PEX1: variants seen among roughly 807,000 people sequenced by gnomAD.
PEX1 encodes the protein peroxisomal biogenesis factor 1.
A neutral mutation model predicts 152.5 loss-of-function variants in PEX1; 97 were observed. The observed-to-expected ratio is 0.64, with a 90% CI of 0.54 to 0.75. The LOEUF is 0.75. Ranked by LOEUF, PEX1 falls within the 30% of genes least tolerant of loss-of-function variation. The pLI is 0.00. For missense variants in PEX1, 1,357 were observed against 1,516.3 expected (o/e 0.89, Z 1.74); for synonymous variants, 485 against 531.6 (o/e 0.91, Z 1.21).
chr7:92,501,491 C>A lies in PEX1; in HGVS notation c.2583+16G>T. Reference sequence around the variant, plus strand: ...TTCTGGGAGTAAGTATTCACTTTTTCTTTTTTTAAACATACCTTGGCAGGT... The same window carrying A: ...TTCTGGGAGTAAGTATTCACTTTTTATTTTTTTAAACATACCTTGGCAGGT... On this transcript the variant is annotated intron_variant, in intron 15 of 23. Transcript: ENST00000248633. 6.2e-7 allele frequency: 1 copy of A among 1,607,620 alleles called. No individual in the cohort carries two copies. Among genetic ancestry groups the A allele is most frequent in the African/African-American group, 1.3e-5 (1 of 74,846 alleles).
intron 16 of PEX1, among the ~76,000 whole-genome samples, chr7:92,498,055 ACT>A (rs779958087): frequency 5.1e-5 from 7 of 138,210 alleles, no homozygotes; most frequent in Admixed American, 3.7e-4. Flanking sequence ...ACACAACAAG[ACT>A]CAGTCTCAGA....
At chr7:92,505,854 C>G (rs78489902) in intron 11 of PEX1, among the ~76,000 whole-genome samples, 3,901 of 152,204 alleles carry the variant, frequency 0.026, 206 homozygotes, top group African/African-American at 0.089. Flanking sequence ...ATATGGTGAA[C>G]TGTAATTCTC....
chr7:92,493,580 A>C (rs1408632306), intron 19 of PEX1: 1 of 155,936 alleles, frequency 6.4e-6, no homozygotes, highest in Non-Finnish European at 1.4e-5. Flanking sequence ...TAGAGGCTGC[A>C]GTGAGTTGTG....
chr7:92,489,707 G>C lies in PEX1; in HGVS notation c.3636+7C>G. ...TAACAATTATAATGAGGGGGAAAAAGCCATACTCCACTTTGGCTCCGGTAT... is the reference window on the plus strand; with the variant it reads ...TAACAATTATAATGAGGGGGAAAAACCCATACTCCACTTTGGCTCCGGTAT... On this transcript the variant is annotated splice_region_variant and intron_variant, in intron 22 of 23. Transcript: ENST00000248633. The C allele has an allele frequency of 6.2e-7, 1 of 1,609,866 alleles. No individual in the cohort carries two copies. The highest frequency in any genetic ancestry group is 8.5e-7 in the Non-Finnish European group (1 of 1,176,084).
In PEX1 at chr7:92,502,042, T is replaced by C. The variant is rs748388895; in HGVS notation, c.2264A>G (p.Asn755Ser). 6.2e-7 allele frequency: 1 copy of C among 1,612,068 alleles called. No homozygotes were observed. Among genetic ancestry groups the C allele is most frequent in the Non-Finnish European group, 8.5e-7 (1 of 1,178,244 alleles). The change falls in exon 14 of 24, where the codon AAT (asparagine) becomes AGT (serine). Residue 755 changes from asparagine (N) to serine (S), a missense_variant. Asn to Ser is a conservative substitution (Grantham distance 46). Coordinates refer to ENST00000248633, the MANE Select transcript of PEX1 (RefSeq NM_000466.3). ...CTTGTTTATATCACAGTCCAATTTA[T>C]TTTTTATTACATTACACAGAATTTC... ...RCEILCNVIK[N>S]KLDCDINKFT...
chr7:92,513,356 A>G (rs1792569551), intron 6 of PEX1, among the ~76,000 whole-genome samples: 2 of 152,336 alleles, frequency 1.3e-5, no homozygotes, highest in South Asian at 4.1e-4. Context: ...TATGCAGTCA[A>G]TGGAATAGTA....
chr7:92,513,259 G>GTACTGT (rs1413554044), intron 6 of PEX1, among the ~76,000 whole-genome samples: 12 of 152,256 alleles, frequency 7.9e-5, no homozygotes, highest in Admixed American at 4.6e-4. Flanking sequence ...GTACACCAAT[G>GTACTGT]TTCACTGTAG....
intron 15 of PEX1, among the ~76,000 whole-genome samples, chr7:92,500,624 A>G (rs1791881785): frequency 1.3e-5 from 2 of 152,298 alleles, no homozygotes; most frequent in East Asian, 1.9e-4. Flanking sequence ...CTGGGCTGCA[A>G]TCAACATGTC....
rs774644203 is a variant in PEX1 at position 92,494,451 on chromosome 7, G to A, written c.2926+36C>T. 1.2e-5 allele frequency: 19 copies of A among 1,611,594 alleles called. No homozygotes were observed. The Admixed American group carries it at 3.0e-4, about 25-fold the overall frequency. ...AAATCTGATGACATGATGACATTTT[G>A]TTATAACATTCTATTTCTGTATTTA... On this transcript the variant is annotated intron_variant, in intron 18 of 23. Coordinates refer to ENST00000248633, the MANE Select transcript of PEX1 (RefSeq NM_000466.3).
At chr7:92,519,158 TACC>T in intron 2 of PEX1, 80 bp from the exon 3 acceptor site, 1 of 804,262 alleles carries the variant, frequency 1.2e-6, no homozygotes. Context: ...GTTATCTTCT[TACC>T]ATTTTAGGTT....
Position 92,528,472 on chromosome 7 carries a change from C to T in PEX1, c.-37G>A. On this transcript the variant is annotated 5_prime_UTR_variant, in exon 1 of 24. Coordinates refer to ENST00000248633, the MANE Select transcript of PEX1 (RefSeq NM_000466.3). ...GTCGCTCTGGGTTCGCCCACCCTAG[C>T]GCCGCAAAGGACCCGGGACCCGGCA... The T allele has an allele frequency of 1.9e-6, 3 of 1,546,800 alleles. No individual in the cohort carries two copies. The highest frequency in any genetic ancestry group is 1.7e-6 in the Non-Finnish European group (2 of 1,147,652).
intron 13 of PEX1, 52 bp downstream of exon 13, chr7:92,502,989 T>G: frequency 1.3e-6 from 2 of 1,483,590 alleles, no homozygotes; most frequent in Non-Finnish European, 1.9e-6. Flanking sequence ...AATTGAAAAA[T>G]AATTTCTATA....
chr7:92,512,304 G>A (rs530594329), intron 6 of PEX1, among the ~76,000 whole-genome samples: 2 of 152,126 alleles, frequency 1.3e-5, no homozygotes, highest in African/African-American at 4.8e-5. Context: ...TTACTGGCAT[G>A]AGCCACCACG....
At chr7:92,506,632 A>G (rs1792204062) in intron 10 of PEX1, 1 of 504,086 alleles carries the variant, frequency 2.0e-6, no homozygotes, top group East Asian at 3.7e-5. Flanking sequence ...GCAATGTAGA[A>G]AGAATGATAC....
At chr7:92,515,131 ATGT>A (rs1792680964) in intron 5 of PEX1, among the ~76,000 whole-genome samples, 1 of 145,552 alleles carries the variant, frequency 6.9e-6, no homozygotes, top group Non-Finnish European at 1.5e-5. Flanking sequence ...ATCAATAATG[ATGT>A]TAAAAATTTT....
Position 92,518,121 on chromosome 7 carries a change from A to T in PEX1, c.472+20T>A. 1 of 1,603,118 alleles carries T rather than the reference A, an allele frequency of 6.2e-7. No individual in the cohort carries two copies. The highest frequency in any genetic ancestry group is 8.5e-7 in the Non-Finnish European group (1 of 1,170,080). Reference sequence around the variant, plus strand: ...TGCTATAGTGTAGAATATGACAGCAAATATTACAATAGCACCTACCAATTT... The same window carrying T: ...TGCTATAGTGTAGAATATGACAGCATATATTACAATAGCACCTACCAATTT... On this transcript the variant is annotated intron_variant, in intron 4 of 23. Coordinates refer to ENST00000248633, the MANE Select transcript of PEX1 (RefSeq NM_000466.3).
In PEX1 at chr7:92,511,598, T is replaced by C. The variant is rs1436895249; in HGVS notation, c.1465A>G (p.Lys489Glu). The change falls in exon 7 of 24, where the codon AAG (lysine) becomes GAG (glutamate). Residue 489 changes from lysine to glutamate, a missense_variant. Lys to Glu is a moderately conservative substitution (Grantham distance 56, BLOSUM62 1). Transcript: ENST00000248633. The part of the protein sequence containing the change: ...PLVISEEEFI[K>E]LETKDGLKEF... Reference sequence around the variant, plus strand: ...TACTCACCATCTTTAGTTTCCAGCTTAATAAATTCTTCCTCTGATATTACC... The same window carrying C: ...TACTCACCATCTTTAGTTTCCAGCTCAATAAATTCTTCCTCTGATATTACC... The C allele has an allele frequency of 1.9e-6, 3 of 1,611,226 alleles. No individual in the cohort carries two copies. The African/African-American group carries it at 4.0e-5, about 22-fold the overall frequency.
At chr7:92,510,822 C>T in intron 8 of PEX1, 122 bp downstream of exon 8, 1 of 602,736 alleles carries the variant, frequency 1.7e-6, no homozygotes, top group South Asian at 2.1e-5. Flanking sequence ...CAAGTTATTC[C>T]TTACTCTTAG....
In PEX1 at chr7:92,517,538, G is replaced by A. The variant is rs1341957716; in HGVS notation, c.977C>T (p.Pro326Leu). The change falls in exon 5 of 24, where the codon CCC becomes CTC. Residue 326 changes from proline (P) to leucine (L), a missense_variant. Physicochemically the swap from Pro to Leu is moderately conservative, Grantham distance 98. Transcript: ENST00000248633. ...PWDQEYFDVE[P>L]SFTVTYGKLV... is the part of the protein sequence containing the mutation. The stretch of plus-strand genomic sequence containing the variant: ...CTTTCCATATGTCACAGTAAAGCTG[G>A]GCTCTACATCAAAATATTCCTGGTC... 3.1e-6 allele frequency: 5 copies of A among 1,613,942 alleles called. No individual in the cohort carries two copies. Among genetic ancestry groups the A allele is most frequent in the Non-Finnish European group, 4.2e-6 (5 of 1,179,990 alleles).
Sources: allele counts gnomAD v4.1 joint callset (sites outside exome capture counted in the v4.1 genomes callset), GRCh38; gene constraint gnomAD v4.1.1; transcripts MANE v1.5; gene names NCBI Gene and HGNC (gene_info 2026-07-23, HGNC 2026-07-21).